SORCS3: variants seen among roughly 807,000 people sequenced by gnomAD.
SORCS3 encodes sortilin related VPS10 domain containing receptor 3, also known as VPS10 domain-containing receptor SorCS3.
Under a neutral mutation model 146.3 loss-of-function variants are expected in SORCS3, and 57 were observed. The ratio of observed to expected loss-of-function variants is 0.39; its 90% confidence interval spans 0.31 to 0.49. SORCS3 has a LOEUF of 0.49. Among genes scored for constraint, SORCS3 ranks in the 20% least tolerant of loss-of-function variants. SORCS3 has a pLI of 0.92. For synonymous variants in SORCS3, 653 were observed against 618.5 expected, an observed-to-expected ratio of 1.06 and a Z score of -0.83; for missense variants, 1,341 against 1,575.5, an observed-to-expected ratio of 0.85 and a Z score of 2.52.
At chr10:104,936,390 C>A (rs1290020186) in intron 3 of SORCS3, among the ~76,000 whole-genome samples, 1 of 152,026 alleles carries the variant, frequency 6.6e-6, no homozygotes, top group African/African-American at 2.4e-5. Context: ...GGGATCAACC[C>A]AAATTAGTGT....
At chr10:104,688,455 CT>C (rs2016074412) in intron 1 of SORCS3, among the ~76,000 whole-genome samples, 1 of 13,084 alleles carries the variant, frequency 7.6e-5, no homozygotes, top group African/African-American at 1.0e-4. Flanking sequence ...ACTCCAGCGC[CT>C]GCCAGCCAGC....
chr10:104,906,440 C>G (rs1415806278), intron 2 of SORCS3, among the ~76,000 whole-genome samples: 1 of 152,158 alleles, frequency 6.6e-6, no homozygotes, highest in Non-Finnish European at 1.5e-5. Context: ...GCTGTTTGCC[C>G]AGAAATGTGT....
chr10:104,782,806 A>G (rs1424954269), intron 1 of SORCS3, among the ~76,000 whole-genome samples: 3 of 152,184 alleles, frequency 2.0e-5, no homozygotes, highest in Non-Finnish European at 2.9e-5. Context: ...ATTGGGTTTC[A>G]GATACAGCTC....
intron 2 of SORCS3, among the ~76,000 whole-genome samples, chr10:104,885,165 G>A (rs1202478988): frequency 6.6e-6 from 1 of 152,166 alleles, no homozygotes; most frequent in Non-Finnish European, 1.5e-5. Context: ...CACACAGGGA[G>A]CACTGTCTCA....
intron 3 of SORCS3, among the ~76,000 whole-genome samples, chr10:104,956,463 G>A (rs1438015483): frequency 6.6e-6 from 1 of 152,150 alleles, no homozygotes; most frequent in Non-Finnish European, 1.5e-5. Flanking sequence ...GTAACTGTTC[G>A]GAAACACCAT....
chr10:105,257,480 A>C (rs2056938399), intron 25 of SORCS3, among the ~76,000 whole-genome samples: 1 of 152,188 alleles, frequency 6.6e-6, no homozygotes, highest in African/African-American at 2.4e-5. Context: ...ACATGTCTTG[A>C]GAAATTATTT....
At chr10:104,679,589 T>C (rs7097737) in intron 1 of SORCS3, among the ~76,000 whole-genome samples, 16,083 of 152,220 alleles carry the variant, frequency 0.11, 913 homozygotes, top group Admixed American at 0.14. Flanking sequence ...TAAATGACTC[T>C]TGGGTAGAAT....
intron 6 of SORCS3, among the ~76,000 whole-genome samples, chr10:105,101,245 C>T (rs1349677660): frequency 1.3e-5 from 2 of 152,318 alleles, no homozygotes; most frequent in African/African-American, 4.8e-5. Context: ...TAATTTGAGA[C>T]ATTTTGCATA....
At position 105,157,302 on chromosome 10, in the gene SORCS3, A is replaced by C. The variant is rs756425415; in HGVS notation, c.1629+18A>C. 12 of 1,612,962 alleles carry C rather than the reference A, an allele frequency of 7.4e-6. No individual in the cohort carries two copies. Among genetic ancestry groups the C allele is most frequent in the Non-Finnish European group, 1.0e-5 (12 of 1,179,290 alleles). ...GCCTGCTGGTCAGTCACTCAGCCTC[A>C]TGGGAAGTTCACAGGGCAGGCTGGC... is the stretch of plus-strand genomic sequence containing the variant. On this transcript the variant is annotated intron_variant, in intron 10 of 26. Coordinates refer to ENST00000369701, the MANE Select transcript of SORCS3 (RefSeq NM_014978.3).
At chr10:104,842,689 G>T in intron 1 of SORCS3, 103 bp from the exon 2 acceptor site, 1 of 851,686 alleles carries the variant, frequency 1.2e-6, no homozygotes. Flanking sequence ...CCCTCCTCTG[G>T]GTGATAGGAG....
chr10:105,154,894 C>T (rs578023463), intron 9 of SORCS3, among the ~76,000 whole-genome samples: 5 of 152,288 alleles, frequency 3.3e-5, no homozygotes, highest in Middle Eastern at 3.4e-3. Context: ...CTTCCAAACT[C>T]GCAGTCCATT....
intron 1 of SORCS3, among the ~76,000 whole-genome samples, chr10:104,674,758 TCTC>T (rs2015894915): frequency 6.6e-6 from 1 of 152,230 alleles, no homozygotes; most frequent in East Asian, 1.9e-4. Flanking sequence ...ATCCTTGTAT[TCTC>T]TTTTTTGTTA....
chr10:105,108,243 C>T (rs1017771324), intron 7 of SORCS3, among the ~76,000 whole-genome samples: 24 of 152,072 alleles, frequency 1.6e-4, no homozygotes, highest in Non-Finnish European at 3.1e-4. Context: ...GGTTGTCAGG[C>T]CTTGGCTTCC....
chr10:104,710,964 C>T (rs1441813381), intron 1 of SORCS3, among the ~76,000 whole-genome samples: 3 of 152,090 alleles, frequency 2.0e-5, no homozygotes, highest in Admixed American at 1.3e-4. Flanking sequence ...ATTAGATGGA[C>T]GTTTCCAGGA....
intron 4 of SORCS3, among the ~76,000 whole-genome samples, chr10:105,014,008 C>G (rs1329943009): frequency 2.7e-5 from 4 of 147,678 alleles, no homozygotes; most frequent in Admixed American, 6.8e-5. Context: ...CACACACACA[C>G]AGGCATGGGA....
intron 2 of SORCS3, among the ~76,000 whole-genome samples, chr10:104,901,076 T>C (rs912973934): frequency 5.3e-5 from 8 of 152,186 alleles, no homozygotes; most frequent in Non-Finnish European, 4.4e-5. Flanking sequence ...CTTCCTTCCT[T>C]TACTTTGAGC....
intron 1 of SORCS3, among the ~76,000 whole-genome samples, chr10:104,696,568 TATATA>T (rs1211294253): frequency 8.5e-3 from 45 of 5,318 alleles, no homozygotes; most frequent in Admixed American, 0.013. Context: ...ATAATATACG[TATATA>T]ATATATAATA....
chr10:104,815,112 C>G (rs550383958), intron 1 of SORCS3, among the ~76,000 whole-genome samples: 1 of 152,296 alleles, frequency 6.6e-6, no homozygotes, highest in Admixed American at 6.5e-5. Context: ...TACTGCTGTT[C>G]TGTCAGTGAA....
chr10:105,104,711 T>A (rs1224847171), intron 6 of SORCS3, among the ~76,000 whole-genome samples: 2 of 152,234 alleles, frequency 1.3e-5, no homozygotes, highest in Non-Finnish European at 2.9e-5. Context: ...CTAATTTTCA[T>A]ATGTATCCTT....
Sources: allele counts gnomAD v4.1 joint callset (sites outside exome capture counted in the v4.1 genomes callset), GRCh38; gene constraint gnomAD v4.1.1; transcripts MANE v1.5; gene names NCBI Gene and HGNC (gene_info 2026-07-23, HGNC 2026-07-21).